The following NBAS variants were observed in gnomAD, a reference collection of about 807,000 sequenced individuals.
NBAS encodes the protein NAG/BC035112 fusion.
Under a neutral mutation model 302.5 loss-of-function variants are expected in NBAS, and 219 were observed. That is an observed-to-expected ratio of 0.72 (90% CI 0.65 to 0.81). The LOEUF is 0.81. Among genes scored for constraint, NBAS ranks in the 30% least tolerant of loss-of-function variants. The pLI, the probability that NBAS is intolerant of heterozygous loss-of-function variation, is 0.00. For missense variants in NBAS, 2,932 were observed against 2,841.6 expected (o/e 1.03, Z -0.72); for synonymous variants, 1,118 against 1,021.6 (o/e 1.09, Z -1.80).
chr2:15,353,887 G>A (rs1240683713), intron 33 of NBAS, among the ~76,000 whole-genome samples, 177 bp from the exon 34 acceptor site: 1 of 152,118 alleles, frequency 6.6e-6, no homozygotes, highest in Non-Finnish European at 1.5e-5. Context: ...GAAAGATTAG[G>A]GTGGTTTATT....
At chr2:15,380,767 G>A (rs78983476) in intron 29 of NBAS, among the ~76,000 whole-genome samples, 2,073 of 152,124 alleles carry the variant, frequency 0.014, 33 homozygotes, top group East Asian at 0.059. Flanking sequence ...GTCACTCTAC[G>A]GTTGGATAAG....
the NBAS span, among the ~76,000 whole-genome samples, chr2:14,950,462 T>C: frequency 6.6e-6 from 1 of 152,202 alleles, no homozygotes; most frequent in African/African-American, 2.4e-5. Context: ...GATGGATATC[T>C]CAAGTATACT....
At chr2:15,301,415 T>A (rs1670789243) in intron 40 of NBAS, among the ~76,000 whole-genome samples, 1 of 152,226 alleles carries the variant, frequency 6.6e-6, no homozygotes, top group South Asian at 2.1e-4. Flanking sequence ...CACACCGTGT[T>A]CTGCTCTGCT....
rs112436065 is a variant in NBAS at position 15,189,065 on chromosome 2, G to A, written c.6572+1199C>T. Among the ~76,000 whole-genome samples, 1,481 of 152,196 alleles carry A rather than the reference G, an allele frequency of 9.7e-3. 42 individuals are homozygous for A. The highest frequency in any genetic ancestry group is 0.059 in the Admixed American group (894 of 15,280). ...GCTTTGAACAAGCACCCCAGGCTCC[G>A]AAGGCACCCACACCAAGATCACTGG... On this transcript the variant is annotated intron_variant, in intron 49 of 51. Transcript: ENST00000281513.
intron 38 of NBAS, among the ~76,000 whole-genome samples, chr2:15,316,766 T>G (rs1054483694): frequency 9.2e-5 from 14 of 152,206 alleles, no homozygotes; most frequent in African/African-American, 3.4e-4. Flanking sequence ...CAAGGACTAC[T>G]GCCTCTACAG....
At chr2:15,337,686 A>T (rs1357920581) in intron 35 of NBAS, among the ~76,000 whole-genome samples, 1 of 152,192 alleles carries the variant, frequency 6.6e-6, no homozygotes, top group Non-Finnish European at 1.5e-5. Context: ...AGCTTCTCCT[A>T]ATGAGAATCA....
chr2:15,529,333 C>G (rs564615925), intron 9 of NBAS, among the ~76,000 whole-genome samples: 1 of 151,980 alleles, frequency 6.6e-6, no homozygotes, highest in Non-Finnish European at 1.5e-5. Flanking sequence ...AACCCTATCT[C>G]TCCAAAATCA....
At chr2:15,000,074 T>C in the NBAS span, among the ~76,000 whole-genome samples, 9 of 152,222 alleles carry the variant, frequency 5.9e-5, no homozygotes, top group Middle Eastern at 3.2e-3. Flanking sequence ...AAAATCACAG[T>C]TCACTCTATT....
intron 9 of NBAS, among the ~76,000 whole-genome samples, chr2:15,520,432 C>T (rs933310756): frequency 1.3e-5 from 2 of 152,056 alleles, no homozygotes; most frequent in Non-Finnish European, 2.9e-5. Context: ...AAAAAATCTA[C>T]GAAGTTCAAT....
At chr2:14,877,155 T>G in the NBAS span, among the ~76,000 whole-genome samples, 2 of 152,190 alleles carry the variant, frequency 1.3e-5, no homozygotes, top group Non-Finnish European at 1.5e-5. Flanking sequence ...ACTTAATCCC[T>G]CCTTCCACTG....
intron 48 of NBAS, among the ~76,000 whole-genome samples, chr2:15,207,640 C>A (rs1201376405): frequency 1.3e-5 from 2 of 152,056 alleles, no homozygotes; most frequent in Non-Finnish European, 2.9e-5. Context: ...TGGGGGTGGA[C>A]TTCCCCCTTG....
intron 35 of NBAS, among the ~76,000 whole-genome samples, chr2:15,345,273 C>T (rs185147089): frequency 6.6e-6 from 1 of 152,210 alleles, no homozygotes; most frequent in East Asian, 1.9e-4. Context: ...TATCTCAGCC[C>T]CAAAACTCCT....
At chr2:15,017,879 T>C in the NBAS span, among the ~76,000 whole-genome samples, 1 of 152,000 alleles carries the variant, frequency 6.6e-6, no homozygotes, top group Admixed American at 6.6e-5. Context: ...TCATAAGATA[T>C]GGAATCCACC....
intron 44 of NBAS, among the ~76,000 whole-genome samples, chr2:15,246,974 G>A (rs1020443677): frequency 6.6e-6 from 1 of 152,222 alleles, no homozygotes; most frequent in Admixed American, 6.5e-5. Context: ...CTGCAGACTG[G>A]AAGTGATGGG....
the NBAS span, among the ~76,000 whole-genome samples, chr2:14,871,758 T>C: frequency 2.0e-5 from 3 of 152,138 alleles, no homozygotes; most frequent in Non-Finnish European, 4.4e-5. Context: ...CATTAAAATA[T>C]TGTGATAATA....
chr2:15,281,375 C>CTT (rs1669817390), intron 42 of NBAS, among the ~76,000 whole-genome samples: 1 of 152,154 alleles, frequency 6.6e-6, no homozygotes, highest in South Asian at 2.1e-4. Flanking sequence ...TAGTGCTAAG[C>CTT]ACTATGTCAT....
At chr2:15,075,897 T>G in the NBAS span, among the ~76,000 whole-genome samples, 2 of 152,206 alleles carry the variant, frequency 1.3e-5, no homozygotes, top group South Asian at 4.1e-4. Flanking sequence ...TGTTTTACAT[T>G]TTACTTTGTA....
the NBAS span, among the ~76,000 whole-genome samples, chr2:15,146,006 G>A: frequency 1.1e-4 from 16 of 152,164 alleles, no homozygotes; most frequent in East Asian, 1.2e-3. Flanking sequence ...AGTATCTAGC[G>A]TGAACTTGAT....
the NBAS span, among the ~76,000 whole-genome samples, chr2:14,912,936 G>A: frequency 2.0e-5 from 3 of 152,186 alleles, no homozygotes; most frequent in South Asian, 2.1e-4. Flanking sequence ...TTTCCTGCCC[G>A]TATGAATTTA....
Sources: allele counts gnomAD v4.1 joint callset (sites outside exome capture counted in the v4.1 genomes callset), GRCh38; gene constraint gnomAD v4.1.1; transcripts MANE v1.5; gene names NCBI Gene and HGNC (gene_info 2026-07-23, HGNC 2026-07-21).